Variants in ZBTB20 observed in about 807,000 individuals in gnomAD.
ZBTB20 encodes the protein zinc finger and BTB domain containing 20.
A neutral mutation model predicts 56.9 loss-of-function variants in ZBTB20; 9 were observed. The observed-to-expected ratio is 0.16, with a 90% CI of 0.10 to 0.28. The LOEUF is 0.28. ZBTB20 is among the 10% of genes least tolerant of loss of function. The pLI, the probability that ZBTB20 is intolerant of heterozygous loss-of-function variation, is 1.00. For synonymous variants in ZBTB20, 417 were observed against 420.7 expected (o/e 0.99, Z 0.11); for missense variants, 655 against 1,003.0 (o/e 0.65, Z 4.69).
chr3:115,048,431 T>C (rs970470776), intron 2 of ZBTB20, among the ~76,000 whole-genome samples: 2 of 152,206 alleles, frequency 1.3e-5, no homozygotes, highest in African/African-American at 2.4e-5. Flanking sequence ...GCCTATTTAA[T>C]GTAGTTTAAA....
At chr3:114,837,492 G>A (rs1235173860) in intron 4 of ZBTB20, among the ~76,000 whole-genome samples, 1 of 152,146 alleles carries the variant, frequency 6.6e-6, no homozygotes, top group African/African-American at 2.4e-5. Flanking sequence ...TGATCAAACT[G>A]TCAGCTAGAG....
At chr3:114,734,338 C>T (rs955809959) in intron 5 of ZBTB20, among the ~76,000 whole-genome samples, 5 of 151,910 alleles carry the variant, frequency 3.3e-5, no homozygotes, top group Non-Finnish European at 5.9e-5. Context: ...GAATAAGCAG[C>T]TTTCATGCAG....
At chr3:114,718,400 C>A (rs1237901732) in intron 5 of ZBTB20, among the ~76,000 whole-genome samples, 1 of 152,090 alleles carries the variant, frequency 6.6e-6, no homozygotes, top group African/African-American at 2.4e-5. Flanking sequence ...ACTCCATCTT[C>A]TGATGTCAGA....
chr3:114,464,753 C>T (rs2092469220), intron 7 of ZBTB20, among the ~76,000 whole-genome samples: 1 of 151,854 alleles, frequency 6.6e-6, no homozygotes, highest in African/African-American at 2.4e-5. Context: ...GGGGGATTTC[C>T]TGAGGCCATT....
intron 7 of ZBTB20, among the ~76,000 whole-genome samples, chr3:114,446,420 T>C (rs544875695): frequency 6.6e-6 from 1 of 152,300 alleles, no homozygotes; most frequent in African/African-American, 2.4e-5. Context: ...CCATCAATTT[T>C]ACTCTTTGCT....
intron 1 of ZBTB20, among the ~76,000 whole-genome samples, chr3:115,145,282 C>G (rs956190580): frequency 2.0e-5 from 3 of 152,080 alleles, no homozygotes; most frequent in African/African-American, 7.2e-5. Context: ...AATACAGATT[C>G]TTCATTTTAA....
intron 3 of ZBTB20, among the ~76,000 whole-genome samples, chr3:114,964,394 A>G (rs2077566822): frequency 6.6e-6 from 1 of 152,192 alleles, no homozygotes; most frequent in African/African-American, 2.4e-5. Flanking sequence ...CAGCCTGGGC[A>G]ACAGAGTGCG....
chr3:114,868,600 G>C (rs2075866629), intron 4 of ZBTB20, among the ~76,000 whole-genome samples: 1 of 152,122 alleles, frequency 6.6e-6, no homozygotes, highest in Non-Finnish European at 1.5e-5. Flanking sequence ...ATGTAAGTCT[G>C]CTAAAAATGC....
At position 114,319,857 on chromosome 3, in the gene ZBTB20, C is replaced by T. The variant is rs992321843; in HGVS notation, c.*19148G>A. 2.2e-4 allele frequency: 33 copies of T among 152,188 alleles called. No homozygotes were observed. Among genetic ancestry groups the T allele is most frequent in the African/African-American group, 7.9e-4 (33 of 41,524 alleles). The allele number at this position is 152,188 out of a possible 1,614,324, so 9.4% of individuals were successfully genotyped here. A position where few individuals can be genotyped will look rare whatever the true frequency, so the allele number is the denominator to read the frequency against. ...ATATACATATATATATACACACACA[C>T]ACACAAATTTGTTACATAGCCAATT... On this transcript the variant is annotated 3_prime_UTR_variant, in exon 12 of 12. Transcript: ENST00000675478.
At chr3:114,454,165 A>G (rs2091834272) in intron 7 of ZBTB20, among the ~76,000 whole-genome samples, 2 of 116,256 alleles carry the variant, frequency 1.7e-5, no homozygotes, top group Admixed American at 9.8e-5. Flanking sequence ...AAGAGAGAGG[A>G]AAAGAGAAGG....
intron 6 of ZBTB20, among the ~76,000 whole-genome samples, chr3:114,547,715 A>G (rs903149455): frequency 6.6e-6 from 1 of 152,304 alleles, no homozygotes; most frequent in South Asian, 2.1e-4. Flanking sequence ...TTTTCTTTCA[A>G]TTGAAATCTT....
chr3:114,697,785 G>GA (rs1365433943), intron 5 of ZBTB20, among the ~76,000 whole-genome samples: 1 of 151,770 alleles, frequency 6.6e-6, no homozygotes, highest in Admixed American at 6.6e-5. Context: ...ATAGGGAGAG[G>GA]AAAAAATAGG....
At chr3:114,477,798 AC>A in intron 7 of ZBTB20, among the ~76,000 whole-genome samples, 1 of 150,876 alleles carries the variant, frequency 6.6e-6, no homozygotes, top group East Asian at 2.0e-4. Flanking sequence ...CCCGGTCCGT[AC>A]CCTGCACTCT....
At chr3:114,405,514 G>T (rs2087232663) in intron 7 of ZBTB20, among the ~76,000 whole-genome samples, 1 of 152,116 alleles carries the variant, frequency 6.6e-6, no homozygotes, top group South Asian at 2.1e-4. Context: ...GAGAGTAAAA[G>T]ATGGAATGAA....
At chr3:114,677,629 GT>G (rs2061707432) in intron 6 of ZBTB20, among the ~76,000 whole-genome samples, 1 of 152,118 alleles carries the variant, frequency 6.6e-6, no homozygotes, top group Admixed American at 6.5e-5. Context: ...AAAAACGTTG[GT>G]GGCTGCTGGC....
chr3:114,815,073 T>C (rs1278433422), intron 4 of ZBTB20, among the ~76,000 whole-genome samples: 1 of 152,212 alleles, frequency 6.6e-6, no homozygotes. Context: ...TAGTAATGAC[T>C]AACCTCATGA....
chr3:114,774,374 C>T (rs1283209459), intron 5 of ZBTB20, among the ~76,000 whole-genome samples: 1 of 152,136 alleles, frequency 6.6e-6, no homozygotes, highest in East Asian at 1.9e-4. Context: ...TCCCTTTTGT[C>T]TTCCATGGAG....
At chr3:114,995,268 T>C (rs2078978742) in intron 2 of ZBTB20, among the ~76,000 whole-genome samples, 1 of 151,878 alleles carries the variant, frequency 6.6e-6, no homozygotes, top group Admixed American at 6.6e-5. Context: ...CTAATGTTTT[T>C]AAAATATGGG....
intron 6 of ZBTB20, among the ~76,000 whole-genome samples, chr3:114,615,250 C>T (rs2057852144): frequency 6.6e-6 from 1 of 152,004 alleles, no homozygotes; most frequent in Admixed American, 6.5e-5. Flanking sequence ...AATGTATTTT[C>T]CTTAGAGTAT....
Sources: allele counts gnomAD v4.1 joint callset (sites outside exome capture counted in the v4.1 genomes callset), GRCh38; gene constraint gnomAD v4.1.1; transcripts MANE v1.5; gene names NCBI Gene and HGNC (gene_info 2026-07-23, HGNC 2026-07-21).